The following TYR variants were observed in gnomAD, a reference collection of about 807,000 sequenced individuals.
TYR encodes tyrosinase, also known as LB24-AB.
In TYR, 58 loss-of-function variants were observed where a neutral mutation model predicts 51.5. The observed-to-expected ratio is 1.13, with a 90% CI of 0.91 to 1.40. The LOEUF (loss-of-function observed/expected upper bound fraction) is 1.40, where lower values mean the gene tolerates loss of function less well. Among genes scored for constraint, TYR ranks in the 40% most tolerant of loss-of-function variants. TYR has a pLI of 0.00. For missense variants in TYR, 732 were observed against 647.4 expected, an observed-to-expected ratio of 1.13 and a Z score of -1.42; for synonymous variants, 263 against 235.2, an observed-to-expected ratio of 1.12 and a Z score of -1.08.
intron 1 of TYR, among the ~76,000 whole-genome samples, chr11:89,189,495 A>G (rs754090324): frequency 1.3e-5 from 2 of 152,076 alleles, no homozygotes; most frequent in Non-Finnish European, 2.9e-5. Context: ...CAAAAAGCAC[A>G]AAATGAAACT....
intron 1 of TYR, among the ~76,000 whole-genome samples, chr11:89,189,296 T>A (rs1183368682): frequency 6.6e-6 from 1 of 152,072 alleles, no homozygotes; most frequent in African/African-American, 2.4e-5. Flanking sequence ...GCATGTGCCG[T>A]GTTTTCTTAA....
intron 1 of TYR, among the ~76,000 whole-genome samples, chr11:89,181,709 C>A (rs980519195): frequency 5.3e-5 from 8 of 152,082 alleles, no homozygotes; most frequent in Admixed American, 2.6e-4. Flanking sequence ...TTTAGGGTAA[C>A]CTGTGCATTT....
chr11:89,196,781 T>C (rs1384724924), intron 2 of TYR, among the ~76,000 whole-genome samples: 1 of 152,172 alleles, frequency 6.6e-6, no homozygotes, highest in Non-Finnish European at 1.5e-5. Context: ...CACCACCATG[T>C]GACCCATCAA....
intron 3 of TYR, among the ~76,000 whole-genome samples, chr11:89,282,882 GA>G (rs1380411488): frequency 6.6e-6 from 1 of 151,762 alleles, no homozygotes; most frequent in East Asian, 1.9e-4. Flanking sequence ...TAATACTTAG[GA>G]GGGGGAAGAA....
chr11:89,224,235 T>C (rs1246004080), intron 2 of TYR, among the ~76,000 whole-genome samples: 1 of 152,178 alleles, frequency 6.6e-6, no homozygotes, highest in Non-Finnish European at 1.5e-5. Context: ...AACATGATTA[T>C]AGAAATACTA....
chr11:89,262,533 G>C (rs1489874044), intron 3 of TYR, among the ~76,000 whole-genome samples: 1 of 141,344 alleles, frequency 7.1e-6, no homozygotes, highest in Non-Finnish European at 1.5e-5. Flanking sequence ...ACACAGTAGA[G>C]AAAATCAATG....
chr11:89,286,108 A>G (rs939104491), intron 4 of TYR, among the ~76,000 whole-genome samples: 1 of 151,852 alleles, frequency 6.6e-6, no homozygotes, highest in African/African-American at 2.4e-5. Context: ...TATGTGCAGT[A>G]AAAGAGTCAT....
intron 3 of TYR, among the ~76,000 whole-genome samples, chr11:89,236,056 C>G (rs1157981683): frequency 6.6e-6 from 1 of 152,084 alleles, no homozygotes; most frequent in Admixed American, 6.6e-5. Context: ...TGGAACACAG[C>G]CATGATATTC....
chr11:89,183,118 A>G (rs1174088701), intron 1 of TYR, among the ~76,000 whole-genome samples: 5 of 152,140 alleles, frequency 3.3e-5, no homozygotes, highest in East Asian at 1.9e-4. Context: ...CTCTAATGCT[A>G]TAACAAAATC....
At chr11:89,230,285 C>T (rs920305550) in intron 3 of TYR, among the ~76,000 whole-genome samples, 1 of 152,084 alleles carries the variant, frequency 6.6e-6, no homozygotes, top group East Asian at 1.9e-4. Flanking sequence ...GGGGAAAGGA[C>T]AGTGTCTGCA....
chr11:89,288,299 A>C (rs956108794), intron 4 of TYR, among the ~76,000 whole-genome samples: 4 of 151,994 alleles, frequency 2.6e-5, no homozygotes, highest in African/African-American at 9.7e-5. Flanking sequence ...AAAGTGATTA[A>C]TTTTAAACTA....
chr11:89,180,827 T>C (rs535346195), intron 1 of TYR, among the ~76,000 whole-genome samples: 1 of 152,284 alleles, frequency 6.6e-6, no homozygotes, highest in South Asian at 2.1e-4. Flanking sequence ...ACATTGGCTG[T>C]TTCCATTCCT....
At chr11:89,289,481 T>G (rs576787448) in intron 4 of TYR, among the ~76,000 whole-genome samples, 7 of 152,062 alleles carry the variant, frequency 4.6e-5, no homozygotes, top group African/African-American at 9.6e-5. Flanking sequence ...TTCACAGAGA[T>G]GTAGGAAGTC....
At chr11:89,211,148 A>G (rs534019824) in intron 2 of TYR, among the ~76,000 whole-genome samples, 2 of 152,316 alleles carry the variant, frequency 1.3e-5, no homozygotes, top group South Asian at 2.1e-4. Context: ...AAATGCCCCA[A>G]TTAAAAGACA....
intron 2 of TYR, among the ~76,000 whole-genome samples, chr11:89,197,814 C>A (rs550590006): frequency 6.6e-6 from 1 of 151,922 alleles, no homozygotes; most frequent in South Asian, 2.1e-4. Flanking sequence ...AACAATTGGT[C>A]CTTGTTTTTG....
chr11:89,211,979 C>A (rs1943763170), intron 2 of TYR, among the ~76,000 whole-genome samples: 1 of 152,094 alleles, frequency 6.6e-6, no homozygotes, highest in African/African-American at 2.4e-5. Flanking sequence ...GCACTAAATG[C>A]CCACAAGAGA....
chr11:89,211,923 G>A (rs1275390176), intron 2 of TYR, among the ~76,000 whole-genome samples: 1 of 152,170 alleles, frequency 6.6e-6, no homozygotes, highest in Non-Finnish European at 1.5e-5. Flanking sequence ...CGACGTACCA[G>A]AATCTCTGGG....
intron 4 of TYR, among the ~76,000 whole-genome samples, chr11:89,291,187 T>C (rs1161001992): frequency 4.6e-5 from 7 of 151,918 alleles, no homozygotes; most frequent in Non-Finnish European, 8.8e-5. Context: ...CATTCAGTCA[T>C]TCAGTAAACA....
intron 2 of TYR, among the ~76,000 whole-genome samples, chr11:89,201,294 C>T (rs1426354485): frequency 6.6e-6 from 1 of 152,002 alleles, no homozygotes; most frequent in Non-Finnish European, 1.5e-5. Flanking sequence ...CATAAGAAGT[C>T]TGCCAAATGC....
Sources: gnomAD v4.1 joint callset for allele counts (sites outside exome capture counted in the v4.1 genomes callset) on GRCh38, gnomAD v4.1.1 for gene constraint, MANE v1.5 for transcripts, NCBI Gene and HGNC (gene_info 2026-07-23, HGNC 2026-07-21) for gene names.